Variants in ERCC8 observed in about 807,000 individuals in gnomAD.
ERCC8 encodes the protein DNA excision repair protein ERCC-8.
In ERCC8, 52 loss-of-function variants were observed where a neutral mutation model predicts 54.9. That is an observed-to-expected ratio of 0.95 (90% CI 0.76 to 1.19). The LOEUF (loss-of-function observed/expected upper bound fraction) is 1.19. Ranked by LOEUF, ERCC8 falls within the 50% of genes most tolerant of loss-of-function variation. The pLI is 0.00. For missense variants in ERCC8, 514 were observed against 466.1 expected, an observed-to-expected ratio of 1.10 and a Z score of -0.95; for synonymous variants, 146 against 157.2, an observed-to-expected ratio of 0.93 and a Z score of 0.53.
At chr5:60,932,224 G>A (rs2112536793) in intron 1 of ERCC8, 1 of 152,296 alleles carries the variant, frequency 6.6e-6, no homozygotes. Flanking sequence ...AGTGGCAGGA[G>A]ACAAGGTGTA....
rs182272740 is a variant in ERCC8 at position 60,881,288 on chromosome 5, A to G, written c.1122+6152T>C. Reference sequence around the variant, plus strand: ...CTGCCCCTACTGGGGGGTGCCTCACAGTTAGGCTACTCGGCATCAGGGACC... The same window carrying G: ...CTGCCCCTACTGGGGGGTGCCTCACGGTTAGGCTACTCGGCATCAGGGACC... On this transcript the variant is annotated intron_variant, in intron 11 of 11. Coordinates refer to ENST00000676185, the MANE Select transcript of ERCC8 (RefSeq NM_000082.4). Among the ~76,000 whole-genome samples, 775 of 152,274 alleles carry G rather than the reference A, an allele frequency of 5.1e-3. 11 individuals are homozygous for G. Among genetic ancestry groups the G allele is most frequent in the African/African-American group, 0.018 (758 of 41,546 alleles).
At chr5:60,913,889 G>A (rs1459784013) in intron 4 of ERCC8, among the ~76,000 whole-genome samples, 3 of 152,064 alleles carry the variant, frequency 2.0e-5, no homozygotes, top group Admixed American at 6.6e-5. Flanking sequence ...CAGTTCCCAC[G>A]CAGTTGTGTG....
At chr5:60,901,128 A>C in intron 7 of ERCC8, among the ~76,000 whole-genome samples, 1 of 151,940 alleles carries the variant, frequency 6.6e-6, no homozygotes, top group Non-Finnish European at 1.5e-5. Flanking sequence ...TTCTTCTTCT[A>C]CTTAAAGTTT....
intron 1 of ERCC8, among the ~76,000 whole-genome samples, chr5:60,942,110 TAGTCAAA>T (rs1750276543): frequency 1.3e-5 from 2 of 152,108 alleles, no homozygotes; most frequent in Non-Finnish European, 2.9e-5. Context: ...CAAAAAGATA[TAGTCAAA>T]ACCATAGTAT....
chr5:60,881,525 G>A (rs991539096), intron 11 of ERCC8, among the ~76,000 whole-genome samples: 3 of 152,198 alleles, frequency 2.0e-5, no homozygotes, highest in African/African-American at 7.2e-5. Flanking sequence ...GATCTTCCCA[G>A]CCGCTTTGTT....
rs1471646978 is a variant in ERCC8, at chr5:60,873,605, A to C, written c.*1010T>G. On this transcript the variant is annotated 3_prime_UTR_variant, in exon 12 of 12. Transcript: ENST00000676185. ...GGCAGGAGAATTGCTTGAACCTGGG[A>C]GGTGAAGGTTGCAGTGAGCTGAGAT... Among the ~76,000 whole-genome samples, 2 of 152,140 alleles carry C rather than the reference A, an allele frequency of 1.3e-5. No homozygotes were observed. The highest frequency in any genetic ancestry group is 4.8e-5 in the African/African-American group (2 of 41,432).
Position 60,879,693 on chromosome 5 carries a change from C to T in ERCC8, c.1123-5010G>A, listed in dbSNP as rs1474820807. On this transcript the variant is annotated intron_variant, in intron 11 of 11. Transcript: ENST00000676185. ...TCAGAGACTAGGATTACAACCTCTGCCTTTTTTTGTTTTCCATTTGCTTGG... is the reference window on the plus strand; with the variant it reads ...TCAGAGACTAGGATTACAACCTCTGTCTTTTTTTGTTTTCCATTTGCTTGG... Among the ~76,000 whole-genome samples the T allele has an allele frequency of 3.9e-5, 6 of 152,118 alleles. No homozygotes were observed. The East Asian group carries it at 1.2e-3, about 29-fold the overall frequency.
rs564147987 is a variant in ERCC8, at chr5:60,938,515, G to A, written c.77+6417C>T. Among the ~76,000 whole-genome samples, 29 of 152,020 alleles carry A rather than the reference G, an allele frequency of 1.9e-4. No homozygotes were observed. The South Asian group carries it at 4.0e-3, about 21-fold the overall frequency. ...ATTACAGGCGTGTGCCACCACACCC[G>A]GCTAATTTTTGTATTTTTAGTAGAG... On this transcript the variant is annotated intron_variant, in intron 1 of 11. Transcript: ENST00000676185.
chr5:60,943,177 G>A (rs930819760), intron 1 of ERCC8, among the ~76,000 whole-genome samples: 2 of 151,990 alleles, frequency 1.3e-5, no homozygotes, highest in African/African-American at 4.8e-5. Flanking sequence ...AGGATGAGAT[G>A]GGAGGATCAT....
At chr5:60,891,873 A>G in intron 9 of ERCC8, 1 of 432,548 alleles carries the variant, frequency 2.3e-6, no homozygotes, top group South Asian at 1.9e-5. Flanking sequence ...TTTCACTGGT[A>G]ATCTCCCGTC....
At chr5:60,910,998 T>C (rs1749241514) in intron 4 of ERCC8, among the ~76,000 whole-genome samples, 1 of 152,152 alleles carries the variant, frequency 6.6e-6, no homozygotes, top group Non-Finnish European at 1.5e-5. Flanking sequence ...AAATAGATAC[T>C]TTGTATCAAA....
At chr5:60,931,038 G>A (rs1164463518) in intron 1 of ERCC8, among the ~76,000 whole-genome samples, 1 of 151,750 alleles carries the variant, frequency 6.6e-6, no homozygotes, top group Non-Finnish European at 1.5e-5. Flanking sequence ...GAACTCAGGG[G>A]ACGGAGGTTG....
chr5:60,903,114 G>T (rs567640997), intron 6 of ERCC8, among the ~76,000 whole-genome samples: 1 of 151,664 alleles, frequency 6.6e-6, no homozygotes, highest in South Asian at 2.1e-4. Flanking sequence ...TAACATATTT[G>T]TTATGTGTTT....
intron 7 of ERCC8, among the ~76,000 whole-genome samples, chr5:60,902,194 T>C (rs989278462): frequency 1.6e-4 from 25 of 152,108 alleles, no homozygotes; most frequent in African/African-American, 5.5e-4. Context: ...CATTTGTGTG[T>C]AAGAATGACA....
At chr5:60,942,051 C>T (rs1380479368) in intron 1 of ERCC8, among the ~76,000 whole-genome samples, 5 of 151,688 alleles carry the variant, frequency 3.3e-5, no homozygotes, top group African/African-American at 7.3e-5. Context: ...AAGTAGACAA[C>T]GAAAAGTAAG....
At position 60,935,104 on chromosome 5, in the gene ERCC8, G is replaced by T. The variant is rs116787538; in HGVS notation, c.78-6145C>A. On this transcript the variant is annotated intron_variant, in intron 1 of 11. Transcript: ENST00000676185. ...GGTGGTATTTGATGGAAGTTGCATT[G>T]AATTTGTAGATTGTTTTTGGCAGTA... Among the ~76,000 whole-genome samples, 540 of 152,206 alleles carry T rather than the reference G, an allele frequency of 3.5e-3. 7 individuals are homozygous for T. Among genetic ancestry groups the T allele is most frequent in the African/African-American group, 0.012 (515 of 41,548 alleles).
At chr5:60,941,957 GACA>G (rs1374420743) in intron 1 of ERCC8, among the ~76,000 whole-genome samples, 1 of 152,018 alleles carries the variant, frequency 6.6e-6, no homozygotes, top group South Asian at 2.1e-4. Flanking sequence ...TAAAATATAA[GACA>G]ACAATATATA....
intron 1 of ERCC8, among the ~76,000 whole-genome samples, chr5:60,942,869 C>G (rs158932): frequency 0.64 from 96,728 of 151,988 alleles, 31,201 homozygotes; most frequent in East Asian, 0.94. Context: ...CAGTGTTCAT[C>G]CTTTTGCTCT....
Position 60,943,593 on chromosome 5 carries a change from T to C in ERCC8, c.77+1339A>G, listed in dbSNP as rs1046576720. Among the ~76,000 whole-genome samples the C allele has an allele frequency of 3.9e-5, 6 of 152,240 alleles. No homozygotes were observed. In the East Asian group the frequency reaches 1.2e-3, roughly 29 times the overall value. On this transcript the variant is annotated intron_variant, in intron 1 of 11. Transcript: ENST00000676185. Reference sequence around the variant, plus strand: ...TCTGTGCCCTTGAGATAAACCCACATGGAATTTTACAGATTAAAAGAGGAA... The same window carrying C: ...TCTGTGCCCTTGAGATAAACCCACACGGAATTTTACAGATTAAAAGAGGAA...
Sources: gnomAD v4.1 joint callset for allele counts (sites outside exome capture counted in the v4.1 genomes callset) on GRCh38, gnomAD v4.1.1 for gene constraint, MANE v1.5 for transcripts, NCBI Gene and HGNC (gene_info 2026-07-23, HGNC 2026-07-21) for gene names.